PRKG1: variants seen among roughly 807,000 people sequenced by gnomAD.
PRKG1 encodes the protein cGMP-dependent protein kinase 1.
In PRKG1, 35 loss-of-function variants were observed where a neutral mutation model predicts 88.1. The ratio of observed to expected loss-of-function variants is 0.40; its 90% CI spans 0.30 to 0.53. The LOEUF is 0.53. Ranked by LOEUF, PRKG1 falls within the 20% of genes least tolerant of loss-of-function variation. PRKG1 has a pLI of 0.59. For missense variants in PRKG1, 540 were observed against 839.8 expected (o/e 0.64, Z 4.41); for synonymous variants, 303 against 292.5 (o/e 1.04, Z -0.37).
intron 9 of PRKG1, among the ~76,000 whole-genome samples, chr10:52,246,583 G>A (rs1380754782): frequency 6.6e-6 from 1 of 151,912 alleles, no homozygotes; most frequent in African/African-American, 2.4e-5. Flanking sequence ...ATTATTTAAA[G>A]AGTCCCCTAT....
chr10:51,081,461 G>A (rs1348500933), intron 1 of PRKG1, among the ~76,000 whole-genome samples: 1 of 152,206 alleles, frequency 6.6e-6, no homozygotes, highest in African/African-American at 2.4e-5. Flanking sequence ...TGCCTTCTTA[G>A]GGAGCTATAC....
At chr10:51,868,500 AT>A (rs1433678290) in intron 4 of PRKG1, among the ~76,000 whole-genome samples, 2 of 151,858 alleles carry the variant, frequency 1.3e-5, no homozygotes, top group South Asian at 2.1e-4. Context: ...AATTTATCCA[AT>A]TTTTTTTCAT....
intron 5 of PRKG1, among the ~76,000 whole-genome samples, chr10:51,972,167 T>C (rs1160633503): frequency 1.3e-5 from 2 of 152,218 alleles, no homozygotes; most frequent in African/African-American, 4.8e-5. Flanking sequence ...ATAATATGTT[T>C]CATATGTTTA....
chr10:51,343,154 T>G (rs1413954734), intron 2 of PRKG1, among the ~76,000 whole-genome samples: 3 of 152,196 alleles, frequency 2.0e-5, no homozygotes, highest in Non-Finnish European at 4.4e-5. Flanking sequence ...CAGAATCTCT[T>G]TCAACAACAT....
chr10:51,165,853 G>A (rs192027274), intron 2 of PRKG1, among the ~76,000 whole-genome samples: 5 of 152,236 alleles, frequency 3.3e-5, no homozygotes, highest in East Asian at 1.9e-4. Context: ...AATTGAGCAG[G>A]CTTCTTTAAA....
chr10:52,071,405 C>G (rs1337084230), intron 7 of PRKG1, among the ~76,000 whole-genome samples: 2 of 152,176 alleles, frequency 1.3e-5, no homozygotes, highest in Non-Finnish European at 2.9e-5. Context: ...ATTTGGCTTT[C>G]TGTTTCTGCA....
intron 1 of PRKG1, among the ~76,000 whole-genome samples, chr10:51,007,937 A>G (rs1388619507): frequency 6.6e-6 from 1 of 152,340 alleles, no homozygotes; most frequent in African/African-American, 2.4e-5. Flanking sequence ...GCCTCCAGGC[A>G]GGAATTGTTC....
chr10:52,063,336 A>G (rs1846282307), intron 7 of PRKG1, among the ~76,000 whole-genome samples: 1 of 152,214 alleles, frequency 6.6e-6, no homozygotes, highest in South Asian at 2.1e-4. Flanking sequence ...GCACACCACA[A>G]GCAGCTTCCC....
intron 2 of PRKG1, among the ~76,000 whole-genome samples, chr10:51,315,607 C>G (rs1841298869): frequency 6.6e-6 from 1 of 152,096 alleles, no homozygotes; most frequent in Non-Finnish European, 1.5e-5. Flanking sequence ...ATAAGCAATC[C>G]TGTAGGAAAA....
At chr10:51,762,423 G>A (rs1476846791) in intron 3 of PRKG1, among the ~76,000 whole-genome samples, 9 of 152,112 alleles carry the variant, frequency 5.9e-5, no homozygotes, top group Admixed American at 4.6e-4. Context: ...CTGAGACACA[G>A]GTGTATTATA....
At chr10:51,323,041 T>C (rs1196139796) in intron 2 of PRKG1, among the ~76,000 whole-genome samples, 1 of 152,204 alleles carries the variant, frequency 6.6e-6, no homozygotes, top group Non-Finnish European at 1.5e-5. Flanking sequence ...TATTCATTTG[T>C]TAGATTCATT....
At chr10:51,835,862 C>T (rs1208430241) in intron 4 of PRKG1, among the ~76,000 whole-genome samples, 1 of 152,112 alleles carries the variant, frequency 6.6e-6, no homozygotes, top group Non-Finnish European at 1.5e-5. Context: ...CAACAGTATA[C>T]AAGGGTTTTC....
intron 1 of PRKG1, among the ~76,000 whole-genome samples, chr10:51,058,563 AG>A (rs1295708384): frequency 2.6e-5 from 4 of 152,170 alleles, no homozygotes; most frequent in Admixed American, 6.5e-5. Flanking sequence ...AGTTTGAACA[AG>A]GGTTCATTCT....
At chr10:51,037,966 T>C (rs187268385) in intron 1 of PRKG1, among the ~76,000 whole-genome samples, 1 of 152,202 alleles carries the variant, frequency 6.6e-6, no homozygotes, top group Non-Finnish European at 1.5e-5. Context: ...TTATAAACTT[T>C]TGACTTTATT....
intron 3 of PRKG1, among the ~76,000 whole-genome samples, chr10:51,628,070 T>A (rs1271151929): frequency 2.2e-5 from 3 of 134,282 alleles, no homozygotes; most frequent in Non-Finnish European, 5.1e-5. Context: ...CTTTCTTTCC[T>A]TCTTTCTTTC....
rs563463574 is a variant in PRKG1 at position 51,772,605 on chromosome 10, A to ATT, written c.593-31971_593-31970dup. ...CTGGTGGTGAGAATATAAATCACACATTTTTTTTTTGTCTGAGTTTTCTGT... is the reference window on the plus strand; with the variant it reads ...CTGGTGGTGAGAATATAAATCACACATTTTTTTTTTTTGTCTGAGTTTTCTGT... On this transcript the variant is annotated intron_variant, in intron 3 of 17. Transcript: ENST00000373980. 8.8e-4 allele frequency among the ~76,000 whole-genome samples: 130 copies of ATT among 148,428 alleles called. 5 individuals are homozygous for ATT. In the South Asian group the frequency reaches 0.026, roughly 30 times the overall value.
At chr10:51,112,672 G>A (rs560056040) in intron 1 of PRKG1, among the ~76,000 whole-genome samples, 54 of 152,114 alleles carry the variant, frequency 3.5e-4, no homozygotes, top group Admixed American at 1.7e-3. Context: ...TCTTTTGTTC[G>A]GATATTTAAT....
At chr10:51,682,222 A>G (rs1274319923) in intron 3 of PRKG1, among the ~76,000 whole-genome samples, 1 of 152,160 alleles carries the variant, frequency 6.6e-6, no homozygotes, top group Non-Finnish European at 1.5e-5. Flanking sequence ...TGCCTTCACC[A>G]TTGTCAACTT....
At chr10:51,395,434 C>G (rs150430134) in intron 2 of PRKG1, among the ~76,000 whole-genome samples, 422 of 152,262 alleles carry the variant, frequency 2.8e-3, no homozygotes, top group African/African-American at 9.6e-3. Context: ...GTTGTCTGTC[C>G]TTAGTTCTTA....
Sources: gnomAD v4.1 joint callset for allele counts (sites outside exome capture counted in the v4.1 genomes callset) on GRCh38, gnomAD v4.1.1 for gene constraint, MANE v1.5 for transcripts, NCBI Gene and HGNC (gene_info 2026-07-23, HGNC 2026-07-21) for gene names.